Variants in ADK observed in about 807,000 individuals in gnomAD.
The protein encoded by ADK is adenosine kinase.
In ADK, 24 loss-of-function variants were observed where a neutral mutation model predicts 44.7. The observed-to-expected ratio is 0.54, with a 90% confidence interval of 0.39 to 0.76. The LOEUF (loss-of-function observed/expected upper bound fraction) is 0.76, where lower values mean the gene tolerates loss of function less well. Among genes scored for constraint, ADK ranks in the 30% least tolerant of loss-of-function variants. The pLI, the probability that ADK is intolerant of heterozygous loss-of-function variation, is 0.00. For synonymous variants in ADK, 128 were observed against 142.6 expected (o/e 0.90, Z 0.73); for missense variants, 321 against 425.1 (o/e 0.76, Z 2.15).
At chr10:74,169,464 C>A (rs572591699) in intron 1 of ADK, among the ~76,000 whole-genome samples, 2 of 152,226 alleles carry the variant, frequency 1.3e-5, no homozygotes, top group Admixed American at 6.5e-5. Flanking sequence ...TTGTAGCTCA[C>A]AGAAAATAAA....
chr10:74,548,529 A>G (rs1413759497), intron 7 of ADK, among the ~76,000 whole-genome samples: 2 of 152,218 alleles, frequency 1.3e-5, no homozygotes, highest in East Asian at 3.8e-4. Context: ...TATTCATTGC[A>G]TATCTGAAAC....
rs1402438921 is a variant in ADK at position 74,553,570 on chromosome 10, A to G, written c.726+28144A>G. The stretch of plus-strand genomic sequence containing the variant: ...ACTACTACTACCCCCAACTACATGG[A>G]TAAATCTCAGGAACATTATGTTGAA... On this transcript the variant is annotated intron_variant, in intron 7 of 10. Coordinates refer to ENST00000539909, the MANE Select transcript of ADK (RefSeq NM_006721.4). Among the ~76,000 whole-genome samples, 3 of 152,180 alleles carry G rather than the reference A, an allele frequency of 2.0e-5. No homozygotes were observed. The East Asian group carries it at 5.8e-4, about 29-fold the overall frequency.
intron 10 of ADK, among the ~76,000 whole-genome samples, chr10:74,683,723 A>ACAT (rs1318244006): frequency 6.6e-6 from 1 of 152,246 alleles, no homozygotes. Flanking sequence ...GTGGAAATGC[A>ACAT]TTATTCAATT....
intron 6 of ADK, among the ~76,000 whole-genome samples, chr10:74,463,182 C>T (rs1331131616): frequency 6.6e-6 from 1 of 151,638 alleles, no homozygotes; most frequent in Non-Finnish European, 1.5e-5. Context: ...AGGACTGTTT[C>T]GTGGAAGATC....
chr10:74,225,663 T>C (rs1190267353), intron 3 of ADK, among the ~76,000 whole-genome samples: 1 of 152,352 alleles, frequency 6.6e-6, no homozygotes, highest in East Asian at 1.9e-4. Flanking sequence ...GATTTTCTTA[T>C]GCGTTCTTAC....
chr10:74,691,660 A>T (rs1289395387), intron 10 of ADK, among the ~76,000 whole-genome samples: 2 of 152,194 alleles, frequency 1.3e-5, no homozygotes, highest in Non-Finnish European at 2.9e-5. Context: ...ATGGCTTGTC[A>T]CAGTGTCTTC....
intron 1 of ADK, among the ~76,000 whole-genome samples, chr10:74,182,443 A>G (rs1251616573): frequency 5.9e-5 from 9 of 151,958 alleles, no homozygotes; most frequent in Non-Finnish European, 1.2e-4. Flanking sequence ...ATATCTGCTC[A>G]CTGCAACCTC....
rs78155772 is a variant in ADK at position 74,584,829 on chromosome 10, G to T, written c.727-4453G>T. On this transcript the variant is annotated intron_variant, in intron 7 of 10. Coordinates refer to ENST00000539909, the MANE Select transcript of ADK (RefSeq NM_006721.4). ...TGGTCTGGTGGCTCCATTCCCCCTT[G>T]GCTTGTCAGTATACAGAAATCATTG... is the stretch of plus-strand genomic sequence containing the variant. 2.4e-3 allele frequency among the ~76,000 whole-genome samples: 366 copies of T among 152,202 alleles called. 3 individuals are homozygous for T. The highest frequency in any genetic ancestry group is 3.5e-3 in the Non-Finnish European group (237 of 67,994).
At chr10:74,231,822 A>G (rs1481198289) in intron 3 of ADK, among the ~76,000 whole-genome samples, 3 of 152,060 alleles carry the variant, frequency 2.0e-5, no homozygotes, top group Non-Finnish European at 4.4e-5. Flanking sequence ...TTGTAAGGTA[A>G]CCTTTTCACT....
intron 6 of ADK, among the ~76,000 whole-genome samples, chr10:74,481,347 T>G (rs1385951170): frequency 1.3e-5 from 2 of 152,192 alleles, no homozygotes; most frequent in Non-Finnish European, 2.9e-5. Context: ...CTTTTCCTCT[T>G]GTTCTGTCCT....
chr10:74,579,369 A>G (rs1589267080), intron 7 of ADK, among the ~76,000 whole-genome samples: 1 of 152,238 alleles, frequency 6.6e-6, no homozygotes, highest in Non-Finnish European at 1.5e-5. Flanking sequence ...ATATGGCAGG[A>G]TCCTTTAGCA....
At chr10:74,322,440 C>T (rs1317773166) in intron 4 of ADK, among the ~76,000 whole-genome samples, 1 of 152,124 alleles carries the variant, frequency 6.6e-6, no homozygotes, top group African/African-American at 2.4e-5. Context: ...AACACAGGCC[C>T]TACGAATAAG....
At chr10:74,586,584 T>A (rs1376921646) in intron 7 of ADK, among the ~76,000 whole-genome samples, 2 of 152,178 alleles carry the variant, frequency 1.3e-5, no homozygotes, top group African/African-American at 4.8e-5. Flanking sequence ...CTGGGCATAG[T>A]AACTCATACC....
At position 74,458,424 on chromosome 10, in the gene ADK, C is replaced by G. The variant is rs531768383; in HGVS notation, c.555+59845C>G. Among the ~76,000 whole-genome samples the G allele has an allele frequency of 6.6e-5, 10 of 151,440 alleles. No individual in the cohort carries two copies. In the South Asian group the frequency reaches 2.1e-3, roughly 32 times the overall value. ...AACGTGTTGGGATTACAGGCATGAG[C>G]CACTGTGCCTGACCCAGTGAAACAT... On this transcript the variant is annotated intron_variant, in intron 6 of 10. Transcript: ENST00000539909.
chr10:74,473,516 C>T (rs570092166), intron 6 of ADK, among the ~76,000 whole-genome samples: 1 of 152,264 alleles, frequency 6.6e-6, no homozygotes, highest in East Asian at 1.9e-4. Context: ...CTCTGTCTTG[C>T]CTTCTCTTTT....
chr10:74,573,501 T>C (rs372423869), intron 7 of ADK, among the ~76,000 whole-genome samples: 2 of 152,214 alleles, frequency 1.3e-5, no homozygotes, highest in Non-Finnish European at 2.9e-5. Context: ...CAGATCTCCA[T>C]CTGCGTGCTG....
intron 1 of ADK, among the ~76,000 whole-genome samples, chr10:74,171,421 G>T (rs941503886): frequency 6.6e-6 from 1 of 152,054 alleles, no homozygotes; most frequent in Non-Finnish European, 1.5e-5. Flanking sequence ...TATTATTTTG[G>T]GGCTTGAAGC....
chr10:74,510,855 A>G (rs139888463), intron 6 of ADK, among the ~76,000 whole-genome samples: 1 of 152,184 alleles, frequency 6.6e-6, no homozygotes, highest in Non-Finnish European at 1.5e-5. Context: ...CTACAAGCAT[A>G]TGCCACCATG....
rs562753590 is a variant in ADK at position 74,622,522 on chromosome 10, G to A, written c.877+22029G>A. The stretch of plus-strand genomic sequence containing the variant: ...GAGCCTAACCAATAGGTCCCTTATT[G>A]AATACATTTTTTTATTATTAAATAG... On this transcript the variant is annotated intron_variant, in intron 9 of 10. Coordinates refer to ENST00000539909, the MANE Select transcript of ADK (RefSeq NM_006721.4). 3.9e-5 allele frequency among the ~76,000 whole-genome samples: 6 copies of A among 152,084 alleles called. No individual in the cohort carries two copies. The South Asian group carries it at 1.2e-3, about 32-fold the overall frequency.
Sources: gnomAD v4.1 joint callset for allele counts (sites outside exome capture counted in the v4.1 genomes callset) on GRCh38, gnomAD v4.1.1 for gene constraint, MANE v1.5 for transcripts, NCBI Gene and HGNC (gene_info 2026-07-23, HGNC 2026-07-21) for gene names.